Variants in PACS1 observed in about 807,000 individuals in gnomAD.
PACS1 encodes the protein PACS-1.
PACS1 carries 24 observed loss-of-function variants against 115.0 expected under a neutral mutation model. That is an observed-to-expected ratio of 0.21 (90% CI 0.15 to 0.29). The LOEUF (loss-of-function observed/expected upper bound fraction) is 0.29, where lower values mean the gene tolerates loss of function less well. PACS1 is among the 10% of genes least tolerant of loss of function. The pLI is 1.00. For synonymous variants in PACS1, 453 were observed against 504.5 expected, an observed-to-expected ratio of 0.90 and a Z score of 1.37; for missense variants, 838 against 1,251.2, an observed-to-expected ratio of 0.67 and a Z score of 4.98.
At chr11:66,109,787 C>T (rs1292425579) in intron 1 of PACS1, among the ~76,000 whole-genome samples, 1 of 152,212 alleles carries the variant, frequency 6.6e-6, no homozygotes, top group Non-Finnish European at 1.5e-5. Flanking sequence ...CTCCTCATCT[C>T]CTCGCTTTCT....
intron 1 of PACS1, among the ~76,000 whole-genome samples, chr11:66,104,484 G>A (rs1210281399): frequency 2.6e-5 from 4 of 152,188 alleles, no homozygotes; most frequent in Non-Finnish European, 5.9e-5. Flanking sequence ...TTGATGTATT[G>A]TTGTGTATGG....
chr11:66,154,582 T>A (rs888956901), intron 1 of PACS1, among the ~76,000 whole-genome samples: 4 of 152,030 alleles, frequency 2.6e-5, no homozygotes, highest in African/African-American at 9.7e-5. Flanking sequence ...AACAGATAAC[T>A]GGAAAAAAAA....
In PACS1 at chr11:66,129,904, T is replaced by G. The variant is rs141003732; in HGVS notation, c.356+59062T>G. Among the ~76,000 whole-genome samples, 747 of 152,282 alleles carry G rather than the reference T, an allele frequency of 4.9e-3. 3 individuals carry two copies. Among genetic ancestry groups the G allele is most frequent in the African/African-American group, 0.017 (706 of 41,548 alleles). ...ATGATGTTAGGAGGACATCTACCCA[T>G]TTATGATAATTCTTTAAACATTCAA... is the stretch of plus-strand genomic sequence containing the variant. On this transcript the variant is annotated intron_variant, in intron 1 of 23. Coordinates refer to ENST00000320580, the MANE Select transcript of PACS1 (RefSeq NM_018026.4).
intron 8 of PACS1, 73 bp downstream of exon 8, chr11:66,219,878 C>G (rs187320812): frequency 4.9e-6 from 5 of 1,028,854 alleles, no homozygotes; most frequent in South Asian, 1.3e-5. Flanking sequence ...CTGGAGTACA[C>G]TCTGTATTGC....
At chr11:66,161,688 G>T (rs1386252684) in intron 1 of PACS1, among the ~76,000 whole-genome samples, 1 of 152,106 alleles carries the variant, frequency 6.6e-6, no homozygotes, top group Non-Finnish European at 1.5e-5. Context: ...ATTTCATTGG[G>T]ACAATGAATA....
At chr11:66,185,133 TA>T (rs1230079968) in intron 1 of PACS1, among the ~76,000 whole-genome samples, 1 of 152,172 alleles carries the variant, frequency 6.6e-6, no homozygotes, top group African/African-American at 2.4e-5. Flanking sequence ...ACTGAACTCA[TA>T]AAAATATGAA....
intron 1 of PACS1, among the ~76,000 whole-genome samples, chr11:66,159,227 C>T (rs1859433460): frequency 6.6e-6 from 1 of 152,134 alleles, no homozygotes; most frequent in Non-Finnish European, 1.5e-5. Flanking sequence ...CACCTGAAGT[C>T]GGGAGTTCGA....
At chr11:66,191,547 G>A (rs192990110) in intron 1 of PACS1, among the ~76,000 whole-genome samples, 1 of 152,262 alleles carries the variant, frequency 6.6e-6, no homozygotes, top group Admixed American at 6.5e-5. Context: ...TTTTTCTGTT[G>A]CATGCGTAGA....
intron 5 of PACS1, 99 bp from the exon 6 acceptor site, chr11:66,216,421 G>C: frequency 7.0e-7 from 1 of 1,421,654 alleles, no homozygotes; most frequent in Non-Finnish European, 9.9e-7. Flanking sequence ...CACCCTGGCT[G>C]TGTTTCCACC....
In PACS1 at chr11:66,080,437, C is replaced by G. The variant is rs1469924851; in HGVS notation, c.356+9595C>G. Among the ~76,000 whole-genome samples the G allele has an allele frequency of 2.0e-5, 3 of 152,160 alleles. No homozygotes were observed. In the South Asian group the frequency reaches 6.2e-4, roughly 32 times the overall value. ...AACTGAGTGTGGGGGGAAAGGCTGTCTTGGTGAGGGAGGGCCTCTGGTAAG... is the reference window on the plus strand; with the variant it reads ...AACTGAGTGTGGGGGGAAAGGCTGTGTTGGTGAGGGAGGGCCTCTGGTAAG... On this transcript the variant is annotated intron_variant, in intron 1 of 23. Coordinates refer to ENST00000320580, the MANE Select transcript of PACS1 (RefSeq NM_018026.4).
chr11:66,082,795 C>T (rs1174744758), intron 1 of PACS1, among the ~76,000 whole-genome samples: 1 of 152,148 alleles, frequency 6.6e-6, no homozygotes, highest in Non-Finnish European at 1.5e-5. Context: ...GCAGAGGTTG[C>T]AGTGAGCCAA....
chr11:66,243,273 C>G lies in PACS1; in HGVS notation c.2885C>G (p.Ala962Gly), dbSNP rs1183196719. 7.0e-6 allele frequency: 11 copies of G among 1,582,188 alleles called. No individual in the cohort carries two copies. The highest frequency in any genetic ancestry group is 9.5e-6 in the Non-Finnish European group (11 of 1,162,686). Reference sequence around the variant, plus strand: ...GTGGGACTCTTCAGTGGCAGCAAGGCCACCTGAGGCCCTGTCTCCCAGCCA... The same window carrying G: ...GTGGGACTCTTCAGTGGCAGCAAGGGCACCTGAGGCCCTGTCTCCCAGCCA... ...FPVGLFSGSKAT is the reference protein window; with the variant it reads ...FPVGLFSGSKGT The change falls in exon 24 of 24, where the codon GCC becomes GGC. Residue 962 changes from alanine (A) to glycine (G), a missense_variant. By Grantham distance (60) the Ala-to-Gly change is moderately conservative (BLOSUM62 0). This residue lies in a region of PACS1 where 84 missense variants were observed against 187.1 expected (regional missense o/e 0.45). Transcript: ENST00000320580.
chr11:66,215,191 C>G (rs1180767088), intron 4 of PACS1, among the ~76,000 whole-genome samples: 1 of 152,152 alleles, frequency 6.6e-6, no homozygotes. Context: ...TTTGGCCTCC[C>G]AAAGTGCTGG....
intron 1 of PACS1, among the ~76,000 whole-genome samples, chr11:66,178,249 T>C (rs1374473255): frequency 6.7e-6 from 1 of 150,174 alleles, no homozygotes; most frequent in Non-Finnish European, 1.5e-5. Context: ...AAGTAACTGC[T>C]ATCCTAAATT....
chr11:66,192,535 C>G lies in PACS1; in HGVS notation c.357-951C>G, dbSNP rs866612266. On this transcript the variant is annotated intron_variant, in intron 1 of 23. Transcript: ENST00000320580. ...GAGCTGAGGGAGGGCTGTGGAGATG[C>G]AAGACAGGGGCCTGAGCAGGGCCTA... Among the ~76,000 whole-genome samples the G allele has an allele frequency of 3.3e-5, 5 of 152,264 alleles. No individual in the cohort carries two copies. In the South Asian group the frequency reaches 6.2e-4, roughly 19 times the overall value.
intron 1 of PACS1, among the ~76,000 whole-genome samples, chr11:66,127,452 C>T (rs1440368019): frequency 2.0e-5 from 3 of 152,140 alleles, no homozygotes; most frequent in Non-Finnish European, 2.9e-5. Flanking sequence ...AGCAGAGAAC[C>T]GCCTGGTCCT....
At chr11:66,120,598 C>T (rs1236596352) in intron 1 of PACS1, among the ~76,000 whole-genome samples, 1 of 152,156 alleles carries the variant, frequency 6.6e-6, no homozygotes, top group Non-Finnish European at 1.5e-5. Flanking sequence ...TGGTTAAGGG[C>T]ATACGCTTTG....
chr11:66,241,440 C>T lies in PACS1; in HGVS notation c.2443C>T (p.Pro815Ser). Residue 815 changes from proline (P) to serine (S), a missense_variant, in exon 22 of 24, where the codon CCA (proline) becomes TCA (serine). Transcript: ENST00000320580. ...CCCTTTCCTCAGGAGCCCTAATAGC[C>T]CATATGGGGACGTGATTGGCCTCCA... ...ALAIVGSPNSPYGDVIGLQVD... is the reference protein window; with the variant it reads ...ALAIVGSPNSSYGDVIGLQVD... 1.3e-6 allele frequency: 2 copies of T among 1,597,404 alleles called. No homozygotes were observed. The highest frequency in any genetic ancestry group is 8.5e-7 in the Non-Finnish European group (1 of 1,171,624).
At chr11:66,163,553 TA>T in intron 1 of PACS1, among the ~76,000 whole-genome samples, 1 of 152,122 alleles carries the variant, frequency 6.6e-6, no homozygotes, top group Non-Finnish European at 1.5e-5. Flanking sequence ...GTCTCAACAG[TA>T]GACTTAAAGA....
Sources: gnomAD v4.1 joint callset for allele counts (sites outside exome capture counted in the v4.1 genomes callset) on GRCh38, gnomAD v4.1.1 for gene constraint, gnomAD v4.1.1 regional missense constraint, MANE v1.5 for transcripts, NCBI Gene and HGNC (gene_info 2026-07-23, HGNC 2026-07-21) for gene names.